Variants in SLC4A2 observed in about 807,000 individuals in gnomAD.
SLC4A2 encodes anion exchange protein 2.
A neutral mutation model predicts 115.0 loss-of-function variants in SLC4A2; 36 were observed. The ratio of observed to expected loss-of-function variants is 0.31; its 90% CI spans 0.24 to 0.41. SLC4A2 has a LOEUF of 0.41. Ranked by LOEUF, SLC4A2 falls within the 10% of genes least tolerant of loss-of-function variation. SLC4A2 has a pLI of 1.00. For missense variants in SLC4A2, 1,252 were observed against 1,705.6 expected (o/e 0.73, Z 4.68); for synonymous variants, 708 against 708.3 (o/e 1.00, Z 0.01).
rs531982504 is a variant in SLC4A2, at chr7:151,071,436, C to G, written c.2022C>G (p.Pro674=). 1.2e-6 allele frequency: 2 copies of G among 1,605,572 alleles called. No homozygotes were observed. The highest frequency in any genetic ancestry group is 1.7e-6 in the Non-Finnish European group (2 of 1,179,456). Residue 674 remains proline (P), a synonymous_variant, in exon 14 of 23, where the codon CCC becomes CCG. Coordinates refer to ENST00000413384, the MANE Select transcript of SLC4A2 (RefSeq NM_003040.4). This position sits in a 1 kb window ranked among gnomAD's most constrained non-coding sequence, Gnocchi z 5.5. Reference sequence around the variant, plus strand: ...CGGCAGGGGCAGCTGAAGATGATCCCCTTCGGCGGACGGGGCGGCCCTTTG... The same window carrying G: ...CGGCAGGGGCAGCTGAAGATGATCCGCTTCGGCGGACGGGGCGGCCCTTTG... ...VEAAGAAEDD[P]LRRTGRPFGG... is the part of the protein sequence containing the mutation.
intron 21 of SLC4A2, 52 bp from the exon 22 acceptor site, chr7:151,075,961 T>C: frequency 6.5e-7 from 1 of 1,528,368 alleles, no homozygotes; most frequent in Middle Eastern, 1.8e-4. Flanking sequence ...GAGAGGCTCT[T>C]CCCAGCAGCA....
chr7:151,074,374 CTG>C (rs753803062), intron 17 of SLC4A2, 23 bp from the exon 18 acceptor site: 3 of 1,612,706 alleles, frequency 1.9e-6, no homozygotes, highest in Non-Finnish European at 2.5e-6. Context: ...TGGCAGGACT[CTG>C]AGCGCTGTGC....
chr7:151,076,268 G>A lies in SLC4A2; in HGVS notation c.3646-19G>A, dbSNP rs200191914. 65 of 1,577,864 alleles carry A rather than the reference G, an allele frequency of 4.1e-5. No homozygotes were observed. Among genetic ancestry groups the A allele is most frequent in the African/African-American group, 5.4e-5 (4 of 74,218 alleles). ...GGCCCCCCCACTTCCCTTCTTGACCGCCACCTCCCCACACACAGCTGGATG... is the reference window on the plus strand; with the variant it reads ...GGCCCCCCCACTTCCCTTCTTGACCACCACCTCCCCACACACAGCTGGATG... On this transcript the variant is annotated intron_variant, in intron 22 of 22. Transcript: ENST00000413384.
chr7:151,064,408 G>A (rs201472789), intron 3 of SLC4A2, 41 bp downstream of exon 3: 33 of 1,543,114 alleles, frequency 2.1e-5, no homozygotes, highest in East Asian at 2.1e-4. Context: ...GGGGGATCAG[G>A]TTTGACTGTC....
chr7:151,071,081 G>C lies in SLC4A2; in HGVS notation c.1759G>C (p.Glu587Gln), dbSNP rs55770427. The C allele has an allele frequency of 6.2e-7, 1 of 1,612,526 alleles. No individual in the cohort carries two copies. Among genetic ancestry groups the C allele is most frequent in the African/African-American group, 1.3e-5 (1 of 75,034 alleles). The part of the protein sequence containing the change: ...STLMSDKQFH[E>Q]AAYLADERED... ...CATGCTGCTTTGGCAGCAATTCCAC[G>C]AGGCAGCCTACCTGGCTGACGAGCG... Residue 587 changes from glutamate (E) to glutamine (Q), a missense_variant, in exon 13 of 23, where the codon GAG (glutamate) becomes CAG (glutamine). Transcript: ENST00000413384. This position sits in a 1 kb window ranked among gnomAD's most constrained non-coding sequence, Gnocchi z 5.5.
In SLC4A2 at chr7:151,064,418, C is replaced by A. The variant is rs1354457763; in HGVS notation, c.217+51C>A. 2.6e-6 allele frequency: 4 copies of A among 1,561,138 alleles called. No individual in the cohort carries two copies. The African/African-American group carries it at 5.4e-5, about 21-fold the overall frequency. On this transcript the variant is annotated intron_variant, in intron 3 of 22. Transcript: ENST00000413384. ...AGGTGGGGGGATCAGGTTTGACTGT[C>A]CAGCAAAGAAGGGACTGGGGTCCTA...
rs1269347122 is a variant in SLC4A2, at chr7:151,075,942, C to T, written c.3472-71C>T. On this transcript the variant is annotated intron_variant, in intron 21 of 22. Coordinates refer to ENST00000413384, the MANE Select transcript of SLC4A2 (RefSeq NM_003040.4). ...AGGAATGTTCTTCCATCCCCGCCTC[C>T]GAAGAAGAGAGAGGCTCTTCCCAGC... The T allele has an allele frequency of 3.2e-5, 48 of 1,503,248 alleles. No homozygotes were observed. In the South Asian group the frequency reaches 4.9e-4, roughly 15 times the overall value. 93.1% of individuals were successfully genotyped at this position (1,503,248 alleles called of 1,614,324 possible). A position where few individuals can be genotyped will look rare whatever the true frequency, so the allele number is the denominator to read the frequency against.
chr7:151,074,959 GC>G, intron 19 of SLC4A2, 118 bp downstream of exon 19: 3 of 1,036,064 alleles, frequency 2.9e-6, no homozygotes, highest in Non-Finnish European at 2.8e-6. Context: ...AACCTTGGAT[GC>G]CCAGATGGCC....
At chr7:151,065,029 A>T in intron 5 of SLC4A2, 63 bp downstream of exon 5, 1 of 1,131,460 alleles carries the variant, frequency 8.8e-7, no homozygotes, top group South Asian at 1.3e-5. Context: ...TAGTGAGGTG[A>T]TGCTGGAACA....
Position 151,070,896 on chromosome 7 carries a change from C to T in SLC4A2, c.1734C>T (p.Thr578=), listed in dbSNP as rs1336638273. 21 of 1,612,938 alleles carry T rather than the reference C, an allele frequency of 1.3e-5. No individual in the cohort carries two copies. The highest frequency in any genetic ancestry group is 1.8e-5 in the Non-Finnish European group (21 of 1,179,984). The stretch of plus-strand genomic sequence containing the variant: ...ACGAGATCGGCCGCTCCATCTCCAC[C>T]CTCATGTCAGACAAGGTCAGCTACC... The part of the protein sequence containing the change: ...DYHEIGRSIS[T]LMSDKQFHEA... The change falls in exon 12 of 23, where the codon ACC becomes ACT. Residue 578 remains threonine (T), a synonymous_variant. Transcript: ENST00000413384.
At chr7:151,074,912 C>A (rs1034946744) in intron 19 of SLC4A2, 71 bp downstream of exon 19, 3 of 1,441,922 alleles carry the variant, frequency 2.1e-6, no homozygotes, top group Admixed American at 4.7e-5. Context: ...CAGCATGGAA[C>A]CTCCAGCCAC....
chr7:151,061,896 G>C (rs1363589257), intron 1 of SLC4A2, 29 bp from the exon 2 acceptor site: 9 of 1,224,784 alleles, frequency 7.3e-6, no homozygotes, highest in East Asian at 5.0e-5. Context: ...CAGGGCTCTC[G>C]ATGGTGATCA....
rs1354712627 is a variant in SLC4A2, at chr7:151,071,495, C to T, written c.2081C>T (p.Pro694Leu). 2 of 1,613,410 alleles carry T rather than the reference C, an allele frequency of 1.2e-6. No homozygotes were observed. The highest frequency in any genetic ancestry group is 1.7e-6 in the Non-Finnish European group (2 of 1,179,970). Residue 694 changes from proline (P) to leucine (L), a missense_variant, in exon 14 of 23, where the codon CCC becomes CTC. Physicochemically the swap from Pro to Leu is moderately conservative, Grantham distance 98. Coordinates refer to ENST00000413384, the MANE Select transcript of SLC4A2 (RefSeq NM_003040.4). The surrounding 1 kb of genome is among the most constrained non-coding windows in gnomAD (Gnocchi z 5.5). ...ATCCGAGATGTGCGGCGCCGCTATC[C>T]CCACTACCTGAGTGACTTCCGAGAT... ...GLIRDVRRRY[P>L]HYLSDFRDAL...
chr7:151,076,051 G>T lies in SLC4A2; in HGVS notation c.3510G>T (p.Gln1170His). ...TLRMHLFTALQLLCLALLWAV... is the reference protein window; with the variant it reads ...TLRMHLFTALHLLCLALLWAV... ...GTATGCACCTGTTCACGGCCCTGCA[G>T]CTGCTCTGCCTGGCCCTGCTCTGGG... The change falls in exon 22 of 23, where the codon CAG becomes CAT. Residue 1170 changes from glutamine (Q) to histidine (H), a missense_variant. Physicochemically the swap from Gln to His is conservative, Grantham distance 24. Transcript: ENST00000413384. 6.2e-7 allele frequency: 1 copy of T among 1,611,636 alleles called. No homozygotes were observed.
In SLC4A2 at chr7:151,061,997, G is replaced by C. The variant is rs1178793226; in HGVS notation, c.10G>C (p.Ala4Pro). The C allele has an allele frequency of 1.2e-6, 2 of 1,609,356 alleles. No individual in the cohort carries two copies. The highest frequency in any genetic ancestry group is 1.1e-5 in the South Asian group (1 of 90,874). The change falls in exon 2 of 23, where the codon GCC (alanine) becomes CCC (proline). Residue 4 changes from alanine (A) to proline (P), a missense_variant. Coordinates refer to ENST00000413384, the MANE Select transcript of SLC4A2 (RefSeq NM_003040.4). ...GGGCTAAGATTCGGCCATGAGCAGC[G>C]CCCCTCGGCGCCCCGCCAAGGGCGC... The part of the protein sequence containing the change: MSS[A>P]PRRPAKGADS...
rs569822187 is a variant in SLC4A2, at chr7:151,066,144, C to T, written c.579-373C>T. On this transcript the variant is annotated intron_variant, in intron 5 of 22. Coordinates refer to ENST00000413384, the MANE Select transcript of SLC4A2 (RefSeq NM_003040.4). ...GGGATGAATGCTGACTGTCAGGAAG[C>T]AGCGTCCTGAGCTCCTTTTCTGCAC... Among the ~76,000 whole-genome samples the T allele has an allele frequency of 5.9e-5, 9 of 152,308 alleles. No homozygotes were observed. In the South Asian group the frequency reaches 6.2e-4, roughly 11 times the overall value.
chr7:151,063,598 TG>T (rs1797128559), intron 2 of SLC4A2, among the ~76,000 whole-genome samples: 1 of 133,370 alleles, frequency 7.5e-6, no homozygotes, highest in Non-Finnish European at 1.6e-5. Context: ...TCTCTGCATC[TG>T]AGGGGGCAGA....
intron 16 of SLC4A2, among the ~76,000 whole-genome samples, chr7:151,073,117 A>T (rs982465647): frequency 2.0e-5 from 3 of 151,938 alleles, no homozygotes; most frequent in African/African-American, 7.3e-5. Context: ...ACGCCTGGCT[A>T]ATTTTTAAAT....
chr7:151,071,516 G>C lies in SLC4A2; in HGVS notation c.2102G>C (p.Arg701Pro). The C allele has an allele frequency of 6.2e-7, 1 of 1,613,890 alleles. No homozygotes were observed. The highest frequency in any genetic ancestry group is 8.5e-7 in the Non-Finnish European group (1 of 1,179,986). Residue 701 changes from arginine to proline, a missense_variant, in exon 14 of 23, where the codon CGA (arginine) becomes CCA (proline). By Grantham distance (103) the Arg-to-Pro change is moderately radical. Coordinates refer to ENST00000413384, the MANE Select transcript of SLC4A2 (RefSeq NM_003040.4). This position sits in a 1 kb window ranked among gnomAD's most constrained non-coding sequence, Gnocchi z 5.5. ...TATCCCCACTACCTGAGTGACTTCC[G>C]AGATGCACTTGACCCTCAGTGCCTG... ...RRYPHYLSDFRDALDPQCLAA... is the reference protein window; with the variant it reads ...RRYPHYLSDFPDALDPQCLAA...
Sources: gnomAD v4.1 joint callset for allele counts (sites outside exome capture counted in the v4.1 genomes callset) on GRCh38, gnomAD v4.1.1 for gene constraint, Gnocchi (gnomAD v3.1) non-coding constraint, MANE v1.5 for transcripts, NCBI Gene and HGNC (gene_info 2026-07-23, HGNC 2026-07-21) for gene names.